The following NDP variants were observed in gnomAD, a reference collection of about 807,000 sequenced individuals.
NDP encodes the protein norrin cystine knot growth factor NDP.
NDP carries 2 observed loss-of-function variants against 8.4 expected under a neutral mutation model. The ratio of observed to expected loss-of-function variants is 0.24; its 90% CI spans 0.10 to 0.75. The LOEUF is 0.75. NDP is among the 30% of genes least tolerant of loss of function. The pLI, the probability that NDP is intolerant of heterozygous loss-of-function variation, is 0.73. For synonymous variants in NDP, 55 were observed against 45.6 expected (o/e 1.21, Z -0.83); for missense variants, 81 against 110.1 (o/e 0.74, Z 1.18).
chrX:43,970,703 G>T (rs960331670), intron 1 of NDP, among the ~76,000 whole-genome samples: 1 of 111,319 alleles, frequency 9.0e-6, no homozygotes, highest in Non-Finnish European at 1.9e-5. Context: ...GGTGGGACAA[G>T]TAAGTGGTGA....
chrX:43,972,644 A>G (rs1451979368), intron 1 of NDP, among the ~76,000 whole-genome samples: 1 of 111,568 alleles, frequency 9.0e-6, no homozygotes, highest in Non-Finnish European at 1.9e-5. Context: ...AAAATCATAC[A>G]GTAAATCCAT....
intron 1 of NDP, among the ~76,000 whole-genome samples, chrX:43,967,523 C>A (rs1410452152): frequency 9.0e-6 from 1 of 111,551 alleles, no homozygotes; most frequent in Non-Finnish European, 1.9e-5. Context: ...AAGACAGCAA[C>A]TTCAAACACC....
chrX:43,953,637 A>G (rs1230646674), intron 2 of NDP, among the ~76,000 whole-genome samples: 1 of 98,348 alleles, frequency 1.0e-5, no homozygotes, highest in Non-Finnish European at 2.1e-5. Flanking sequence ...CAACAACCCT[A>G]CAAGAAAGTA....
chrX:43,964,295 TGGCCAGGGAAAGA>T (rs1289679403), intron 1 of NDP, among the ~76,000 whole-genome samples: 1 of 111,191 alleles, frequency 9.0e-6, no homozygotes, highest in Non-Finnish European at 1.9e-5. Flanking sequence ...TGGAGGAATA[TGGCCAGGGAAAGA>T]GGCAATGAAT....
chrX:43,961,191 G>A (rs1055226674), intron 1 of NDP, among the ~76,000 whole-genome samples: 4 of 112,528 alleles, frequency 3.6e-5, no homozygotes, highest in Non-Finnish European at 7.5e-5. Context: ...CAAGGCTGTG[G>A]GAAAACAAGT....
At chrX:43,967,978 T>C (rs191114826) in intron 1 of NDP, among the ~76,000 whole-genome samples, 1 of 111,750 alleles carries the variant, frequency 8.9e-6, no homozygotes, top group Admixed American at 9.4e-5. Context: ...AAAAATGTTA[T>C]CTGTTGCAAA....
At chrX:43,966,949 CT>C (rs1439235914) in intron 1 of NDP, among the ~76,000 whole-genome samples, 1 of 111,885 alleles carries the variant, frequency 8.9e-6, no homozygotes, top group Non-Finnish European at 1.9e-5. Flanking sequence ...TTCAATTTGC[CT>C]TTTCTGCCCA....
chrX:43,967,039 A>C (rs2035861802), intron 1 of NDP, among the ~76,000 whole-genome samples: 1 of 111,583 alleles, frequency 9.0e-6, no homozygotes, highest in African/African-American at 3.3e-5. Flanking sequence ...CAAAGGGGCA[A>C]GGTTCTCATA....
At position 43,958,748 on chromosome X, in the gene NDP, G is replaced by A; in HGVS notation, c.-103C>T. The A allele has an allele frequency of 1.4e-6, 1 of 696,644 alleles. No homozygotes were observed. Among genetic ancestry groups the A allele is most frequent in the South Asian group, 2.3e-5 (1 of 43,531 alleles). 57.4% of individuals were successfully genotyped at this position (696,644 alleles called of 1,213,427 possible). On this transcript the variant is annotated 5_prime_UTR_variant, in exon 2 of 3. Transcript: ENST00000642620. ...AGGATCCAGTCCCGTTCAAGGAAAG[G>A]GCAGGATCGGGCTGAAGCTTTCTGG...
At chrX:43,962,801 A>C (rs2035833916) in intron 1 of NDP, among the ~76,000 whole-genome samples, 1 of 111,917 alleles carries the variant, frequency 8.9e-6, no homozygotes, top group African/African-American at 3.3e-5. Context: ...CAGGAGAGGC[A>C]CGTAGGCTGG....
In NDP at chrX:43,950,873, A is replaced by G. The variant is rs146950020; in HGVS notation, c.175-847T>C. On this transcript the variant is annotated intron_variant, in intron 2 of 2. Transcript: ENST00000642620. ...ACCAAAGTTATCCCCAGAAAAATGTACATAAGCACACACACAATTTGCATA... is the reference window on the plus strand; with the variant it reads ...ACCAAAGTTATCCCCAGAAAAATGTGCATAAGCACACACACAATTTGCATA... 3.9e-3 allele frequency among the ~76,000 whole-genome samples: 435 copies of G among 111,868 alleles called. 2 individuals carry two copies. Among genetic ancestry groups the G allele is most frequent in the African/African-American group, 0.013 (393 of 30,802 alleles).
intron 2 of NDP, among the ~76,000 whole-genome samples, chrX:43,958,191 T>G (rs1160315271): frequency 9.0e-6 from 1 of 111,665 alleles, no homozygotes; most frequent in Non-Finnish European, 1.9e-5. Context: ...CCATTTTTCT[T>G]TTTTGGAAAA....
chrX:43,955,742 C>CTT (rs1480201252), intron 2 of NDP, among the ~76,000 whole-genome samples: 1 of 112,374 alleles, frequency 8.9e-6, no homozygotes, highest in African/African-American at 3.2e-5. Flanking sequence ...TGTGGCCAGT[C>CTT]TTTTCTGCCT....
intron 2 of NDP, chrX:43,953,338 C>G (rs2035773423): frequency 8.9e-6 from 1 of 112,513 alleles, no homozygotes; most frequent in African/African-American, 3.2e-5. Context: ...ATCTCCTGAT[C>G]TCTTCCGGAT....
At chrX:43,954,682 G>A in intron 2 of NDP, 1 of 111,188 alleles carries the variant, frequency 9.0e-6, no homozygotes, top group East Asian at 2.8e-4. Context: ...GTGGGTAGCA[G>A]TAGAAGATGG....
At chrX:43,966,490 A>T (rs2035858605) in intron 1 of NDP, 1 of 111,919 alleles carries the variant, frequency 8.9e-6, no homozygotes, top group Non-Finnish European at 1.9e-5. Context: ...GAGGAATGAG[A>T]CACACTCTAC....
chrX:43,967,253 A>T (rs967201410), intron 1 of NDP, among the ~76,000 whole-genome samples: 2 of 111,405 alleles, frequency 1.8e-5, no homozygotes, highest in Non-Finnish European at 3.8e-5. Flanking sequence ...TCTGAAAAGG[A>T]GTAATTTTTC....
intron 1 of NDP, among the ~76,000 whole-genome samples, chrX:43,960,593 C>T (rs1257389953): frequency 1.8e-5 from 2 of 112,118 alleles, no homozygotes; most frequent in African/African-American, 6.5e-5. Flanking sequence ...ATACACGTTA[C>T]CCTGAAAATT....
chrX:43,950,181 C>G lies in NDP; in HGVS notation c.175-155G>C, dbSNP rs776429996. 94 of 496,535 alleles carry G rather than the reference C, an allele frequency of 1.9e-4. No homozygotes were observed. In the African/African-American group the frequency reaches 2.0e-3, roughly 11 times the overall value. The allele number at this position is 496,535 out of a possible 1,213,427, so 40.9% of individuals were successfully genotyped here. On this transcript the variant is annotated intron_variant, in intron 2 of 2. Transcript: ENST00000642620. ...GTTGCATTTTTTTTAAGTCAACACCCAGGCCTCATTCAGATCGATTGAATT... is the reference window on the plus strand; with the variant it reads ...GTTGCATTTTTTTTAAGTCAACACCGAGGCCTCATTCAGATCGATTGAATT...
Sources: allele counts gnomAD v4.1 joint callset (sites outside exome capture counted in the v4.1 genomes callset), GRCh38; gene constraint gnomAD v4.1.1; transcripts MANE v1.5; gene names NCBI Gene and HGNC (gene_info 2026-07-23, HGNC 2026-07-21).